ZNF248: variants seen among roughly 807,000 people sequenced by gnomAD.
The protein encoded by ZNF248 is KRAB protein domain.
In ZNF248, 20 loss-of-function variants were observed where a neutral mutation model predicts 44.3. That is an observed-to-expected ratio of 0.45 (90% CI 0.32 to 0.66). The LOEUF (loss-of-function observed/expected upper bound fraction) is 0.66, where lower values mean the gene tolerates loss of function less well. Among genes scored for constraint, ZNF248 ranks in the 30% least tolerant of loss-of-function variants. The probability of loss-of-function intolerance (pLI) is 0.04; values close to 1 mark genes in which losing one functional copy is unlikely to be tolerated. For missense variants in ZNF248, 654 were observed against 677.0 expected, an observed-to-expected ratio of 0.97 and a Z score of 0.38; for synonymous variants, 224 against 229.0, an observed-to-expected ratio of 0.98 and a Z score of 0.20.
chr10:37,831,620 A>G lies in ZNF248; in HGVS notation c.1735T>C (p.Ser579Pro), dbSNP rs200078689. 44 of 1,611,992 alleles carry G rather than the reference A, an allele frequency of 2.7e-5. No homozygotes were observed. The highest frequency in any genetic ancestry group is 3.7e-5 in the Non-Finnish European group (44 of 1,178,426). Residue 579 changes from serine to proline, a missense_variant, in exon 6 of 6, where the codon TCC (serine) becomes CCC (proline). Ser to Pro is a moderately conservative substitution (Grantham distance 74, BLOSUM62 -1). Coordinates refer to ENST00000395867, the MANE Select transcript of ZNF248 (RefSeq NM_021045.3). The stretch of plus-strand genomic sequence containing the variant: ...TGTATGAAGGCTTCTAACATTCAGG[A>G]TGTTGAAAGAGCTTTCACCCTTGTG... ...IHTRVKALSTS is the reference protein window; with the variant it reads ...IHTRVKALSTP
chr10:37,768,557 T>A, the ZNF248 span, among the ~76,000 whole-genome samples: 1 of 152,290 alleles, frequency 6.6e-6, no homozygotes, highest in South Asian at 2.1e-4. Context: ...GAAATAAAGA[T>A]GTTCTTTCAA....
intron 5 of ZNF248, among the ~76,000 whole-genome samples, chr10:37,835,159 T>C (rs1564594829): frequency 6.6e-6 from 1 of 150,990 alleles, no homozygotes; most frequent in African/African-American, 2.4e-5. Context: ...AACTAGGAAT[T>C]AGAAATTAGA....
At chr10:37,764,637 G>A in the ZNF248 span, among the ~76,000 whole-genome samples, 2 of 151,904 alleles carry the variant, frequency 1.3e-5, no homozygotes, top group African/African-American at 4.8e-5. Context: ...TCTCTCTTTT[G>A]TACTCTTTCC....
intron 6 of ZNF248, chr10:37,820,320 G>A: frequency 6.4e-6 from 9 of 1,400,316 alleles, no homozygotes; most frequent in Non-Finnish European, 9.1e-6. Flanking sequence ...AGCTGAAACA[G>A]AAGTGAAGCA....
the ZNF248 span, among the ~76,000 whole-genome samples, chr10:37,770,110 A>G: frequency 5.9e-5 from 9 of 152,230 alleles, no homozygotes; most frequent in African/African-American, 1.7e-4. Context: ...ACCACTGCTC[A>G]ATGAAATAAA....
intron 3 of ZNF248, among the ~76,000 whole-genome samples, chr10:37,852,695 AATATGTATTTATATATGTAAT>A (rs1320097002): frequency 3.4e-5 from 5 of 148,738 alleles, no homozygotes; most frequent in African/African-American, 4.9e-5. Flanking sequence ...ATATATGTAA[AATATGTATTTATATATGTAAT>A]ATATGTATTT....
At chr10:37,804,199 G>A (rs565090528) in intron 6 of ZNF248, among the ~76,000 whole-genome samples, 12 of 142,996 alleles carry the variant, frequency 8.4e-5, no homozygotes, top group Admixed American at 2.9e-4. Context: ...TCGCCTCCCC[G>A]GCTCAAGCGA....
At chr10:37,814,897 T>A (rs2133474028) in intron 6 of ZNF248, among the ~76,000 whole-genome samples, 1 of 152,332 alleles carries the variant, frequency 6.6e-6, no homozygotes, top group Non-Finnish European at 1.5e-5. Flanking sequence ...TACTTGAAGT[T>A]TATTGTGTTT....
At chr10:37,847,366 T>C (rs9418297) in intron 3 of ZNF248, among the ~76,000 whole-genome samples, 17,939 of 152,146 alleles carry the variant, frequency 0.12, 1,154 homozygotes, top group Admixed American at 0.19. Flanking sequence ...CCTAGTTATT[T>C]CTTATTTTAA....
chr10:37,768,837 G>A, the ZNF248 span, among the ~76,000 whole-genome samples: 4 of 152,226 alleles, frequency 2.6e-5, no homozygotes, highest in Admixed American at 6.5e-5. Flanking sequence ...CCAGGAGCTG[G>A]TTTTTTGAAA....
downstream of ZNF248, among the ~76,000 whole-genome samples, chr10:37,772,035 G>T (rs1032930576): frequency 3.3e-5 from 5 of 152,200 alleles, no homozygotes; most frequent in African/African-American, 1.2e-4. Flanking sequence ...GGGAGGCCAA[G>T]GCAGGCGGAT....
intron 6 of ZNF248, among the ~76,000 whole-genome samples, chr10:37,804,421 T>TTG (rs2050255348): frequency 6.6e-6 from 1 of 151,938 alleles, no homozygotes; most frequent in African/African-American, 2.4e-5. Flanking sequence ...TGAATCTTAT[T>TTG]TATTTTATGT....
intron 5 of ZNF248, among the ~76,000 whole-genome samples, chr10:37,833,351 T>C: frequency 6.6e-6 from 1 of 152,150 alleles, no homozygotes; most frequent in East Asian, 1.9e-4. Flanking sequence ...TAACACTTTA[T>C]AAATATAACC....
At position 37,854,290 on chromosome 10, in the gene ZNF248, G is replaced by C. The variant is rs143735192; in HGVS notation, c.15+2006C>G. 3.6e-3 allele frequency among the ~76,000 whole-genome samples: 551 copies of C among 152,064 alleles called. 4 individuals are homozygous for C. Among genetic ancestry groups the C allele is most frequent in the African/African-American group, 0.013 (544 of 41,472 alleles). On this transcript the variant is annotated intron_variant, in intron 3 of 5. Coordinates refer to ENST00000395867, the MANE Select transcript of ZNF248 (RefSeq NM_021045.3). ...ATTTCTGCATAGGGAAAAACACCATGAACAATTATCAAAAGACAAATGATA... is the reference window on the plus strand; with the variant it reads ...ATTTCTGCATAGGGAAAAACACCATCAACAATTATCAAAAGACAAATGATA...
chr10:37,762,266 A>G, the ZNF248 span, among the ~76,000 whole-genome samples: 2 of 152,242 alleles, frequency 1.3e-5, no homozygotes, highest in African/African-American at 4.8e-5. Flanking sequence ...TAGTGCTAAC[A>G]CTTGGAATGT....
chr10:37,774,020 C>T (rs1048815176), downstream of ZNF248, among the ~76,000 whole-genome samples: 4 of 152,096 alleles, frequency 2.6e-5, no homozygotes, highest in African/African-American at 9.7e-5. Context: ...CAGGCACATG[C>T]ACCCATATCC....
At chr10:37,787,245 C>T (rs1589064338) in intron 6 of ZNF248, among the ~76,000 whole-genome samples, 1 of 151,926 alleles carries the variant, frequency 6.6e-6, no homozygotes, top group African/African-American at 2.4e-5. Context: ...CACCACTGCA[C>T]TCCAGCCTGG....
Position 37,829,035 on chromosome 10 carries a change from T to C in ZNF248, c.*2580A>G, listed in dbSNP as rs973167898. ...CTACATAGGAATTTACAGAAATGAA[T>C]AACACTGTGCTGCTTATTCTCCATT... On this transcript the variant is annotated 3_prime_UTR_variant, in exon 6 of 6. Transcript: ENST00000395867. 1.3e-5 allele frequency: 13 copies of C among 985,442 alleles called. No homozygotes were observed. The highest frequency in any genetic ancestry group is 1.4e-5 in the Non-Finnish European group (12 of 829,936). 61.0% of individuals were successfully genotyped at this position (985,442 alleles called of 1,614,324 possible).
chr10:37,785,294 C>T (rs1044465161), intron 6 of ZNF248, among the ~76,000 whole-genome samples: 9 of 152,214 alleles, frequency 5.9e-5, no homozygotes, highest in African/African-American at 2.2e-4. Context: ...AAAGCAGCTC[C>T]TGTGTACTAC....
Sources: gnomAD v4.1 joint callset for allele counts (sites outside exome capture counted in the v4.1 genomes callset) on GRCh38, gnomAD v4.1.1 for gene constraint, MANE v1.5 for transcripts, NCBI Gene and HGNC (gene_info 2026-07-23, HGNC 2026-07-21) for gene names.